The following LEPR variants were observed in gnomAD, a reference collection of about 807,000 sequenced individuals.
LEPR encodes the protein OB receptor.
A neutral mutation model predicts 114.7 loss-of-function variants in LEPR; 56 were observed. The ratio of observed to expected loss-of-function variants is 0.49; its 90% CI spans 0.39 to 0.61. The LOEUF is 0.61. Ranked by LOEUF, LEPR falls within the 20% of genes least tolerant of loss-of-function variation. The pLI is 0.00. For missense variants in LEPR, 1,202 were observed against 1,352.9 expected, an observed-to-expected ratio of 0.89 and a Z score of 1.75; for synonymous variants, 443 against 461.4, an observed-to-expected ratio of 0.96 and a Z score of 0.51.
rs1001961847 is a variant in LEPR, at chr1:65,601,673, T to C, written c.1276T>C (p.Tyr426His). ...ATGCCATCATCGCTATGCTGAATTA[T>C]ATGTGATTGGTAAGAAAACAGAGGT... The part of the protein sequence containing the change: ...HECHHRYAEL[Y>H]VIDVNINISC... The change falls in exon 9 of 20, where the codon TAT (tyrosine) becomes CAT (histidine). Residue 426 changes from tyrosine to histidine, a missense_variant. Physicochemically the swap from Tyr to His is moderately conservative, Grantham distance 83 (BLOSUM62 2). Transcript: ENST00000349533. The C allele has an allele frequency of 6.2e-7, 1 of 1,613,554 alleles. No homozygotes were observed. Among genetic ancestry groups the C allele is most frequent in the Admixed American group, 1.7e-5 (1 of 59,994 alleles).
At chr1:65,537,681 C>T (rs752943156) in intron 2 of LEPR, among the ~76,000 whole-genome samples, 1 of 152,122 alleles carries the variant, frequency 6.6e-6, no homozygotes, top group Non-Finnish European at 1.5e-5. Flanking sequence ...ACCCTTTCTC[C>T]TCTCACCATC....
chr1:65,583,421 G>T (rs1416699714), intron 5 of LEPR, among the ~76,000 whole-genome samples: 1 of 152,134 alleles, frequency 6.6e-6, no homozygotes, highest in African/African-American at 2.4e-5. Flanking sequence ...ATAGAGGTCT[G>T]GGAATCGTTC....
At chr1:65,525,889 G>T in intron 2 of LEPR, 1 of 958,892 alleles carries the variant, frequency 1.0e-6, no homozygotes, top group Non-Finnish European at 1.2e-6. Flanking sequence ...CGAGAATGGG[G>T]CTTTGGGACG....
At chr1:65,623,500 C>G (rs1658011652) in intron 19 of LEPR, 1 of 152,142 alleles carries the variant, frequency 6.6e-6, no homozygotes, top group South Asian at 2.1e-4. Flanking sequence ...AGTTAGTCAA[C>G]TATAATAAAA....
chr1:65,546,899 G>T (rs1041192512), intron 2 of LEPR, among the ~76,000 whole-genome samples: 1 of 152,134 alleles, frequency 6.6e-6, no homozygotes, highest in African/African-American at 2.4e-5. Context: ...TTTTCAAAGG[G>T]AATGCTTCCA....
chr1:65,606,177 C>A (rs1656794516), intron 11 of LEPR, among the ~76,000 whole-genome samples: 1 of 151,982 alleles, frequency 6.6e-6, no homozygotes, highest in Admixed American at 6.6e-5. Context: ...TATAAGATTT[C>A]TTTTTCAATG....
intron 2 of LEPR, chr1:65,435,913 C>T: frequency 7.1e-6 from 7 of 984,806 alleles, no homozygotes; most frequent in Non-Finnish European, 8.4e-6. Flanking sequence ...TTTCAAATAG[C>T]CATGCTACCA....
At chr1:65,544,021 A>AT (rs1243682233) in intron 2 of LEPR, among the ~76,000 whole-genome samples, 1 of 152,060 alleles carries the variant, frequency 6.6e-6, no homozygotes, top group Non-Finnish European at 1.5e-5. Flanking sequence ...TGGTGGCTTG[A>AT]TGGGGATAGC....
At chr1:65,625,885 T>A (rs548294387) in intron 19 of LEPR, among the ~76,000 whole-genome samples, 5 of 152,334 alleles carry the variant, frequency 3.3e-5, no homozygotes, top group African/African-American at 1.2e-4. Flanking sequence ...CTTATCTAAG[T>A]AAAATTGCCA....
chr1:65,530,938 C>T (rs983035495), intron 2 of LEPR, among the ~76,000 whole-genome samples: 1 of 139,726 alleles, frequency 7.2e-6, no homozygotes, highest in Admixed American at 7.5e-5. Context: ...AACTGGTCTC[C>T]CTGCTTTTAT....
chr1:65,565,546 G>A lies in LEPR; in HGVS notation c.-20G>A. 4 of 1,613,630 alleles carry A rather than the reference G, an allele frequency of 2.5e-6. No individual in the cohort carries two copies. The highest frequency in any genetic ancestry group is 2.2e-5 in the South Asian group (2 of 91,056). On this transcript the variant is annotated splice_region_variant and 5_prime_UTR_variant, in exon 3 of 20. In the 5' UTR this introduces an upstream ATG that the reference lacks. Transcript: ENST00000349533. The stretch of plus-strand genomic sequence containing the variant: ...CTGATTTTAGATTTACCTTTTCCAG[G>A]TGTACTTCTCTGAAGTAAGATGATT...
intron 2 of LEPR, chr1:65,526,413 C>G (rs927064218): frequency 1.0e-6 from 1 of 985,318 alleles, no homozygotes. Context: ...AAAAGAGACC[C>G]AACTGAGGAA....
intron 2 of LEPR, among the ~76,000 whole-genome samples, chr1:65,488,372 G>A (rs1293194000): frequency 7.0e-6 from 1 of 141,892 alleles, no homozygotes; most frequent in African/African-American, 2.7e-5. Context: ...CATCACCCTG[G>A]CTGGAGTACA....
At chr1:65,629,509 T>C (rs925143351) in intron 19 of LEPR, among the ~76,000 whole-genome samples, 2 of 152,172 alleles carry the variant, frequency 1.3e-5, no homozygotes, top group Admixed American at 1.3e-4. Flanking sequence ...AGGGGAATTT[T>C]TTAAAAAATA....
chr1:65,587,345 A>G (rs1655378280), intron 5 of LEPR, among the ~76,000 whole-genome samples: 1 of 152,050 alleles, frequency 6.6e-6, no homozygotes. Flanking sequence ...GTCTGGCTTG[A>G]TATTTTTAAA....
At chr1:65,618,192 A>G (rs1372575608) in intron 16 of LEPR, 46 bp downstream of exon 16, 2 of 1,530,430 alleles carry the variant, frequency 1.3e-6, no homozygotes, top group Non-Finnish European at 1.8e-6. Context: ...GATTAATATG[A>G]CACTACAGAT....
At chr1:65,525,968 C>G in intron 2 of LEPR, 1 of 768,868 alleles carries the variant, frequency 1.3e-6, no homozygotes, top group Non-Finnish European at 1.6e-6. Flanking sequence ...AGCGGGACCA[C>G]CAGAGGGGCC....
chr1:65,566,224 G>C (rs1300280111), intron 3 of LEPR, among the ~76,000 whole-genome samples: 1 of 106,398 alleles, frequency 9.4e-6, no homozygotes, highest in East Asian at 4.1e-4. Context: ...TTTTTTTTGA[G>C]ACGCAGTCTT....
chr1:65,438,548 CAAAAA>C (rs1159617552), intron 2 of LEPR, among the ~76,000 whole-genome samples: 1 of 67,794 alleles, frequency 1.5e-5, no homozygotes, highest in Non-Finnish European at 2.7e-5. Context: ...GACTCTGTCT[CAAAAA>C]AAAAAAAAAA....
Sources: allele counts gnomAD v4.1 joint callset (sites outside exome capture counted in the v4.1 genomes callset), GRCh38; gene constraint gnomAD v4.1.1; transcripts MANE v1.5; gene names NCBI Gene and HGNC (gene_info 2026-07-23, HGNC 2026-07-21).